Variants in MKLN1 observed in about 807,000 individuals in gnomAD.
MKLN1 encodes muskelin 1, also known as muskelin.
MKLN1 carries 18 observed loss-of-function variants against 99.0 expected under a neutral mutation model. The observed-to-expected ratio is 0.18, with a 90% CI of 0.13 to 0.27. MKLN1 has a LOEUF of 0.27. Among genes scored for constraint, MKLN1 ranks in the 10% least tolerant of loss-of-function variants. The pLI, the probability that MKLN1 is intolerant of heterozygous loss-of-function variation, is 1.00. For missense variants in MKLN1, 621 were observed against 875.9 expected (o/e 0.71, Z 3.67); for synonymous variants, 288 against 293.2 (o/e 0.98, Z 0.18).
chr7:131,327,464 T>G, upstream of MKLN1: 1 of 165,834 alleles, frequency 6.0e-6, no homozygotes, highest in Non-Finnish European at 1.3e-5. Context: ...CTCCCTTCAG[T>G]GTTGTTTCCG....
intron 2 of MKLN1, 41 bp downstream of exon 2, chr7:131,375,534 C>T (rs923393636): frequency 2.4e-6 from 3 of 1,225,516 alleles, no homozygotes; most frequent in African/African-American, 3.0e-5. Context: ...TAGAAGTCAC[C>T]ATTTAAATAA....
At chr7:131,300,995 C>G (rs1387056164) in intron 3 of MKLN1, among the ~76,000 whole-genome samples, 1 of 152,184 alleles carries the variant, frequency 6.6e-6, no homozygotes, top group Non-Finnish European at 1.5e-5. Flanking sequence ...CTAGCAGCTT[C>G]CTGCCTTTTC....
intron 3 of MKLN1, among the ~76,000 whole-genome samples, chr7:131,296,973 A>T (rs1398190423): frequency 6.6e-6 from 1 of 152,108 alleles, no homozygotes. Context: ...TCATGGACTC[A>T]AGTCATCCAC....
intron 2 of MKLN1, among the ~76,000 whole-genome samples, chr7:131,149,612 C>T (rs933672546): frequency 2.6e-5 from 4 of 152,198 alleles, no homozygotes; most frequent in African/African-American, 9.7e-5. Flanking sequence ...CATTCTTCAA[C>T]TAAACCTGAA....
chr7:131,440,250 G>A (rs1049284273), intron 10 of MKLN1, among the ~76,000 whole-genome samples: 3 of 152,134 alleles, frequency 2.0e-5, no homozygotes, highest in Non-Finnish European at 4.4e-5. Flanking sequence ...GGCTCCTTTT[G>A]CAATGGCCAG....
intron 17 of MKLN1, among the ~76,000 whole-genome samples, chr7:131,485,913 A>G (rs1346445090): frequency 6.6e-6 from 1 of 152,114 alleles, no homozygotes; most frequent in Non-Finnish European, 1.5e-5. Flanking sequence ...AGTGACTGAA[A>G]AATAACTGGT....
intron 10 of MKLN1, among the ~76,000 whole-genome samples, chr7:131,442,856 C>G (rs1795882276): frequency 6.6e-6 from 1 of 152,156 alleles, no homozygotes; most frequent in Non-Finnish European, 1.5e-5. Flanking sequence ...TAAAGCTTGA[C>G]TTTTAAACAT....
At chr7:131,173,866 T>C (rs151112022) in intron 2 of MKLN1, among the ~76,000 whole-genome samples, 1 of 151,862 alleles carries the variant, frequency 6.6e-6, no homozygotes, top group Non-Finnish European at 1.5e-5. Context: ...CAAAACAACA[T>C]AGTCTTCATT....
At chr7:131,152,531 G>A (rs554048154) in intron 2 of MKLN1, among the ~76,000 whole-genome samples, 2 of 140,370 alleles carry the variant, frequency 1.4e-5, no homozygotes, top group Non-Finnish European at 3.0e-5. Flanking sequence ...ACGGAGTCTC[G>A]CTCTGTCACC....
chr7:131,134,303 C>T lies in MKLN1; in HGVS notation c.-418-8517C>T, dbSNP rs542157262. 2.8e-4 allele frequency among the ~76,000 whole-genome samples: 43 copies of T among 152,242 alleles called. No homozygotes were observed. The East Asian group carries it at 6.4e-3, about 23-fold the overall frequency. On this transcript the variant is annotated intron_variant, in intron 1 of 7. Transcript: ENST00000416992. Reference sequence around the variant, plus strand: ...CCACTCTCATGCCCCATCTTTTCTCCTTTCCAGTCTATTGCCAGGGTCCTT... The same window carrying T: ...CCACTCTCATGCCCCATCTTTTCTCTTTTCCAGTCTATTGCCAGGGTCCTT...
At chr7:131,132,985 C>T (rs973147436) in intron 1 of MKLN1, among the ~76,000 whole-genome samples, 1 of 125,354 alleles carries the variant, frequency 8.0e-6, no homozygotes, top group African/African-American at 3.0e-5. Flanking sequence ...GAAAGAAAAA[C>T]CAGAGCATGA....
intron 1 of MKLN1, among the ~76,000 whole-genome samples, chr7:131,364,193 T>C (rs1213882383): frequency 1.3e-5 from 2 of 152,030 alleles, no homozygotes; most frequent in Non-Finnish European, 2.9e-5. Context: ...TATAGTCTTT[T>C]AAGAAAAAAA....
chr7:131,224,548 A>T (rs1183971939), intron 3 of MKLN1, among the ~76,000 whole-genome samples: 2 of 152,060 alleles, frequency 1.3e-5, no homozygotes, highest in Admixed American at 6.5e-5. Flanking sequence ...CCTTCTCAAA[A>T]AATAATAATA....
At chr7:131,203,133 T>C (rs1181625831) in intron 3 of MKLN1, among the ~76,000 whole-genome samples, 1 of 152,256 alleles carries the variant, frequency 6.6e-6, no homozygotes, top group East Asian at 1.9e-4. Flanking sequence ...TTGATTCAGA[T>C]ATCTAATCAC....
intron 2 of MKLN1, among the ~76,000 whole-genome samples, chr7:131,195,849 G>A (rs529979515): frequency 1.2e-4 from 19 of 152,086 alleles, no homozygotes; most frequent in Admixed American, 2.0e-4. Context: ...TACTTGGGAG[G>A]CTGAGGCAGG....
rs544816737 is a variant in MKLN1, at chr7:131,423,778, A to G, written c.848-5255A>G. ...GGCTGTACTTCTGAAAGTAATGTGC[A>G]TCTTTCTTTTACACTGTTAACAGAA... is the stretch of plus-strand genomic sequence containing the variant. On this transcript the variant is annotated intron_variant, in intron 8 of 17. Transcript: ENST00000352689. Among the ~76,000 whole-genome samples the G allele has an allele frequency of 2.6e-5, 4 of 152,360 alleles. No individual in the cohort carries two copies. The East Asian group carries it at 5.8e-4, about 22-fold the overall frequency.
chr7:131,443,476 GA>G lies in MKLN1; in HGVS notation c.1174-4del, dbSNP rs2116505642. 3 of 1,598,208 alleles carry G rather than the reference GA, an allele frequency of 1.9e-6. No homozygotes were observed. The East Asian group carries it at 6.7e-5, about 36-fold the overall frequency. ...ACTATTCAATCTGTTGCCTTGTTCT[GA>G]TAGATGTGTATGGACTCAGAAAAAC... On this transcript the variant is annotated splice_polypyrimidine_tract_variant and splice_region_variant and intron_variant, in intron 10 of 17. Coordinates refer to ENST00000352689, the MANE Select transcript of MKLN1 (RefSeq NM_013255.5).
chr7:131,332,760 AT>A (rs1020252231), intron 1 of MKLN1, among the ~76,000 whole-genome samples: 86 of 150,580 alleles, frequency 5.7e-4, no homozygotes, highest in Non-Finnish European at 8.4e-4. Flanking sequence ...TCTATATTGT[AT>A]TTTTTTTCTT....
intron 1 of MKLN1, among the ~76,000 whole-genome samples, chr7:131,115,382 T>C (rs562051969): frequency 2.0e-5 from 3 of 152,144 alleles, no homozygotes; most frequent in Non-Finnish European, 4.4e-5. Flanking sequence ...TTCCAAAATG[T>C]CTCTTTCGGT....
Sources: gnomAD v4.1 joint callset for allele counts (sites outside exome capture counted in the v4.1 genomes callset) on GRCh38, gnomAD v4.1.1 for gene constraint, MANE v1.5 for transcripts, NCBI Gene and HGNC (gene_info 2026-07-23, HGNC 2026-07-21) for gene names.